The following KIF13A variants were observed in gnomAD, a reference collection of about 807,000 sequenced individuals.
The protein encoded by KIF13A is kinesin-like protein KIF13A.
A neutral mutation model predicts 212.2 loss-of-function variants in KIF13A; 79 were observed. The ratio of observed to expected loss-of-function variants is 0.37; its 90% CI spans 0.31 to 0.45. The LOEUF (loss-of-function observed/expected upper bound fraction) is 0.45, where lower values mean the gene tolerates loss of function less well. Ranked by LOEUF, KIF13A falls within the 20% of genes least tolerant of loss-of-function variation. The pLI is 1.00. For synonymous variants in KIF13A, 789 were observed against 808.6 expected, an observed-to-expected ratio of 0.98 and a Z score of 0.41; for missense variants, 1,901 against 2,209.0, an observed-to-expected ratio of 0.86 and a Z score of 2.79.
intron 2 of KIF13A, among the ~76,000 whole-genome samples, chr6:17,907,519 C>T (rs1258504295): frequency 6.8e-6 from 1 of 146,650 alleles, no homozygotes; most frequent in Non-Finnish European, 1.5e-5. Context: ...GAAGCCTACA[C>T]AGAGTGAACC....
chr6:17,846,041 CTTTTTTTT>C (rs34232861), intron 9 of KIF13A, among the ~76,000 whole-genome samples: 2 of 83,264 alleles, frequency 2.4e-5, no homozygotes, highest in Admixed American at 1.7e-4. Context: ...GGAACTCAAC[CTTTTTTTT>C]TTTTTTTTTT....
chr6:17,793,750 C>CA (rs1378917781), intron 25 of KIF13A, among the ~76,000 whole-genome samples: 1 of 150,134 alleles, frequency 6.7e-6, no homozygotes, highest in Non-Finnish European at 1.5e-5. Flanking sequence ...CCCTTCTCTA[C>CA]AAAAAATAAA....
Position 17,809,498 on chromosome 6 carries a change from C to CT in KIF13A, c.2001-569dup, listed in dbSNP as rs1763251900. 6.6e-6 allele frequency among the ~76,000 whole-genome samples: 1 copy of CT among 152,206 alleles called. No individual in the cohort carries two copies. The highest frequency in any genetic ancestry group is 1.5e-5 in the Non-Finnish European group (1 of 68,036). On this transcript the variant is annotated intron_variant, in intron 17 of 38. Coordinates refer to ENST00000259711, the MANE Select transcript of KIF13A (RefSeq NM_022113.6). The surrounding 1 kb of genome is among the most constrained non-coding windows in gnomAD (Gnocchi z 4.7). ...CTTATATGTTCTCTCAGCCCCATGC[C>CT]TTTAGCCTCCATAGCATTTGCCATA... is the stretch of plus-strand genomic sequence containing the variant.
rs749552029 is a variant in KIF13A at position 17,771,732 on chromosome 6, CAA to C, written c.4476+174_4476+175del. The C allele has an allele frequency of 1.3e-3, 739 of 561,092 alleles. No individual in the cohort carries two copies. Among genetic ancestry groups the C allele is most frequent in the Non-Finnish European group, 1.9e-3 (593 of 315,032 alleles). The allele number at this position is 561,092 out of a possible 1,614,324, so 34.8% of individuals were successfully genotyped here. A position where few individuals can be genotyped will look rare whatever the true frequency, so the allele number is the denominator to read the frequency against. The stretch of plus-strand genomic sequence containing the variant: ...ATAAAACCACAGCAGCAACAACAAA[CAA>C]GAGATTCTACCATGACTCTGCATGC... On this transcript the variant is annotated intron_variant, in intron 37 of 38. Coordinates refer to ENST00000259711, the MANE Select transcript of KIF13A (RefSeq NM_022113.6). The surrounding 1 kb of genome is among the most constrained non-coding windows in gnomAD (Gnocchi z 5.4).
At chr6:17,962,282 G>C (rs774339316) in intron 2 of KIF13A, among the ~76,000 whole-genome samples, 1 of 151,914 alleles carries the variant, frequency 6.6e-6, no homozygotes, top group Non-Finnish European at 1.5e-5. Context: ...GTGCACTCCA[G>C]TCTAGATGAC....
intron 2 of KIF13A, among the ~76,000 whole-genome samples, chr6:17,980,140 G>A (rs572658955): frequency 1.3e-5 from 2 of 151,982 alleles, no homozygotes; most frequent in African/African-American, 4.8e-5. Flanking sequence ...GATTCCAGAG[G>A]GGAATAAACT....
At chr6:17,775,928 C>G (rs1217636029) in intron 34 of KIF13A, among the ~76,000 whole-genome samples, 1 of 152,018 alleles carries the variant, frequency 6.6e-6, no homozygotes, top group Non-Finnish European at 1.5e-5. Flanking sequence ...GTTGCCCAGG[C>G]TGGAGTGCAA....
At chr6:17,780,705 T>G in intron 31 of KIF13A, 25 bp downstream of exon 31, 1 of 1,606,366 alleles carries the variant, frequency 6.2e-7, no homozygotes, top group Non-Finnish European at 8.5e-7. Flanking sequence ...AGAGCCAGAA[T>G]GGCACAATCA....
chr6:17,946,483 CA>C (rs1777409745), intron 2 of KIF13A, among the ~76,000 whole-genome samples: 1 of 151,090 alleles, frequency 6.6e-6, no homozygotes, highest in Non-Finnish European at 1.5e-5. Flanking sequence ...AAAAAGAGAG[CA>C]GGTGCTTTTC....
intron 2 of KIF13A, among the ~76,000 whole-genome samples, chr6:17,936,046 T>C (rs1776431156): frequency 6.6e-6 from 1 of 152,236 alleles, no homozygotes; most frequent in Non-Finnish European, 1.5e-5. Context: ...ATATGAATGA[T>C]TAAAAGTAAC....
Position 17,983,088 on chromosome 6 carries a change from G to A in KIF13A, c.146+3966C>T, listed in dbSNP as rs376713740. ...CTCGGGAGGCTGAGGCAGGAGAATC[G>A]CTTGAACCCAGGAGGCGGAGGTTGC... On this transcript the variant is annotated intron_variant, in intron 2 of 38. Coordinates refer to ENST00000259711, the MANE Select transcript of KIF13A (RefSeq NM_022113.6). 9.4e-5 allele frequency among the ~76,000 whole-genome samples: 14 copies of A among 149,704 alleles called. No individual in the cohort carries two copies. The East Asian group carries it at 9.9e-4, about 11-fold the overall frequency.
At chr6:17,781,969 C>G (rs925670723) in intron 29 of KIF13A, among the ~76,000 whole-genome samples, 1 of 152,016 alleles carries the variant, frequency 6.6e-6, no homozygotes, top group African/African-American at 2.4e-5. Context: ...TGGAGTCCCG[C>G]TCTGTAGCCC....
Position 17,794,368 on chromosome 6 carries a change from C to T in KIF13A, c.3103G>A (p.Val1035Met), listed in dbSNP as rs1761853676. The part of the protein sequence containing the change: ...QGHSRRVQVT[V>M]KPVQHSGTLP... ...GTCCCTGAATGCTGCACAGGTTTCA[C>T]CGTGACTTGTACTCTACGGGAATGA... The change falls in exon 25 of 39, where the codon GTG (valine) becomes ATG (methionine). Residue 1035 changes from valine (V) to methionine (M), a missense_variant. Around this residue, in one of 5 missense-constraint regions of KIF13A, gnomAD observed 168 missense variants for 250.9 expected, o/e 0.67. Transcript: ENST00000259711. This position sits in a 1 kb window ranked among gnomAD's most constrained non-coding sequence, Gnocchi z 4.1. 1 of 1,613,530 alleles carries T rather than the reference C, an allele frequency of 6.2e-7. No individual in the cohort carries two copies. The highest frequency in any genetic ancestry group is 8.5e-7 in the Non-Finnish European group (1 of 1,179,688).
At chr6:17,823,487 A>C (rs1232985867) in intron 16 of KIF13A, among the ~76,000 whole-genome samples, 9 of 120,490 alleles carry the variant, frequency 7.5e-5, no homozygotes, top group Non-Finnish European at 1.4e-4. Flanking sequence ...TCTTTTTTTG[A>C]AACAGACTCT....
chr6:17,781,361 C>T, intron 29 of KIF13A, 60 bp from the exon 30 acceptor site: 1 of 1,481,894 alleles, frequency 6.7e-7, no homozygotes, highest in Non-Finnish European at 9.0e-7. Flanking sequence ...AAGCAAACAC[C>T]AAAAATTTAA....
At chr6:17,795,511 C>T (rs1228181275) in intron 23 of KIF13A, among the ~76,000 whole-genome samples, 1 of 150,898 alleles carries the variant, frequency 6.6e-6, no homozygotes, top group Non-Finnish European at 1.5e-5. Context: ...AGGAGAATCA[C>T]TTGAACCCAG....
rs997091297 is a variant in KIF13A, at chr6:17,912,412, G to A, written c.147-14232C>T. 2.6e-5 allele frequency among the ~76,000 whole-genome samples: 4 copies of A among 152,210 alleles called. No homozygotes were observed. The highest frequency in any genetic ancestry group is 1.9e-4 in the East Asian group (1 of 5,196). On this transcript the variant is annotated intron_variant, in intron 2 of 38. Coordinates refer to ENST00000259711, the MANE Select transcript of KIF13A (RefSeq NM_022113.6). This position sits in a 1 kb window ranked among gnomAD's most constrained non-coding sequence, Gnocchi z 4.2. ...GGGAGTGATCTTGATAACAGCATCA[G>A]CCTGCCTGACCTTCCGTAGGACGCA...
Position 17,764,701 on chromosome 6 carries a change from C to T in KIF13A, c.4827G>A (p.Leu1609=), listed in dbSNP as rs762293425. The change falls in exon 39 of 39, where the codon CTG becomes CTA. Residue 1609 remains leucine, a synonymous_variant. Coordinates refer to ENST00000259711, the MANE Select transcript of KIF13A (RefSeq NM_022113.6). The surrounding 1 kb of genome is among the most constrained non-coding windows in gnomAD (Gnocchi z 5.1). ...CACTAGAAGGGACCACCATGTCAGA[C>T]AGGGTGGCATTGGAGGCACTGTGGG... ...YFSHSASNAT[L]SDMVVPSSDS... 5 of 1,613,584 alleles carry T rather than the reference C, an allele frequency of 3.1e-6. No homozygotes were observed. The South Asian group carries it at 5.5e-5, about 18-fold the overall frequency.
intron 3 of KIF13A, among the ~76,000 whole-genome samples, chr6:17,878,404 A>G (rs1770760322): frequency 6.7e-6 from 1 of 148,296 alleles, no homozygotes; most frequent in Non-Finnish European, 1.5e-5. Context: ...TATTTTCTAC[A>G]TGTTAATTTT....
Sources: allele counts gnomAD v4.1 joint callset (sites outside exome capture counted in the v4.1 genomes callset), GRCh38; gene constraint gnomAD v4.1.1; regional missense constraint gnomAD v4.1.1; non-coding constraint Gnocchi (gnomAD v3.1); transcripts MANE v1.5; gene names NCBI Gene and HGNC (gene_info 2026-07-23, HGNC 2026-07-21).